Variants in SMCHD1 observed in about 807,000 individuals in gnomAD.
SMCHD1 encodes the protein structural maintenance of chromosomes flexible hinge domain containing 1, also known as structural maintenance of chromosomes flexible hinge domain-containing protein 1.
In SMCHD1, 78 loss-of-function variants were observed where a neutral mutation model predicts 254.7. The ratio of observed to expected loss-of-function variants is 0.31; its 90% CI spans 0.26 to 0.37. The LOEUF (loss-of-function observed/expected upper bound fraction) is 0.37. Ranked by LOEUF, SMCHD1 falls within the 10% of genes least tolerant of loss-of-function variation. The probability of loss-of-function intolerance (pLI) is 1.00; values close to 1 mark genes in which losing one functional copy is unlikely to be tolerated. For synonymous variants in SMCHD1, 766 were observed against 794.9 expected, an observed-to-expected ratio of 0.96 and a Z score of 0.61; for missense variants, 1,840 against 2,408.1, an observed-to-expected ratio of 0.76 and a Z score of 4.94.
chr18:2,696,400 T>C (rs606868), intron 8 of SMCHD1, among the ~76,000 whole-genome samples: 125,402 of 152,160 alleles, frequency 0.82, 55,121 homozygotes, highest in East Asian at 1. Flanking sequence ...AGATTTCTCA[T>C]AGGAGCACGA....
At chr18:2,792,386 T>C (rs1393180993) in intron 45 of SMCHD1, among the ~76,000 whole-genome samples, 1 of 152,248 alleles carries the variant, frequency 6.6e-6, no homozygotes, top group African/African-American at 2.4e-5. Flanking sequence ...TTGTAGGTTC[T>C]ACATACCATG....
chr18:2,673,327 T>C lies in SMCHD1; in HGVS notation c.471T>C (p.Ser157=), dbSNP rs756874501. 7 of 1,585,334 alleles carry C rather than the reference T, an allele frequency of 4.4e-6. No individual in the cohort carries two copies. Among genetic ancestry groups the C allele is most frequent in the Non-Finnish European group, 6.0e-6 (7 of 1,159,884 alleles). Residue 157 remains serine, a synonymous_variant, in exon 4 of 48, where the codon TCT becomes TCC. Transcript: ENST00000320876. ...ELIDNSLSAT[S]RNIGVRRIQI... ...TTGACAATTCATTGTCTGCTACTTCTCGTAACATTGGGGTTAGAAGAATAC... is the reference window on the plus strand; with the variant it reads ...TTGACAATTCATTGTCTGCTACTTCCCGTAACATTGGGGTTAGAAGAATAC...
At chr18:2,664,147 G>A (rs2073372304) in intron 1 of SMCHD1, among the ~76,000 whole-genome samples, 1 of 152,040 alleles carries the variant, frequency 6.6e-6, no homozygotes, top group African/African-American at 2.4e-5. Context: ...GATCATTTTT[G>A]TTTTTGTAAT....
intron 44 of SMCHD1, among the ~76,000 whole-genome samples, chr18:2,781,235 A>G (rs921824207): frequency 1.3e-5 from 2 of 152,240 alleles, no homozygotes; most frequent in Non-Finnish European, 2.9e-5. Flanking sequence ...GCTTCAGGGA[A>G]CTACCAGAAA....
At chr18:2,769,638 G>A (rs1568349988) in intron 37 of SMCHD1, 56 bp from the exon 38 acceptor site, 1 of 1,527,956 alleles carries the variant, frequency 6.5e-7, no homozygotes, top group Non-Finnish European at 8.9e-7. Flanking sequence ...ACATTTATAT[G>A]TTGTAAATTT....
chr18:2,721,255 C>T (rs1029140344), intron 19 of SMCHD1, among the ~76,000 whole-genome samples: 1 of 152,104 alleles, frequency 6.6e-6, no homozygotes, highest in Non-Finnish European at 1.5e-5. Flanking sequence ...CTTTGGCTTT[C>T]CAATTCTATT....
At chr18:2,724,640 A>G (rs1426385524) in intron 20 of SMCHD1, among the ~76,000 whole-genome samples, 1 of 152,112 alleles carries the variant, frequency 6.6e-6, no homozygotes, top group Non-Finnish European at 1.5e-5. Flanking sequence ...CTAATTCAAT[A>G]TGTGCTATTT....
chr18:2,755,956 G>T (rs76338014), intron 34 of SMCHD1, among the ~76,000 whole-genome samples: 1,951 of 152,196 alleles, frequency 0.013, 20 homozygotes, highest in Non-Finnish European at 0.02. Context: ...TCCTAATCTG[G>T]TTTCGAATCT....
At chr18:2,716,670 G>A (rs1385141370) in intron 17 of SMCHD1, among the ~76,000 whole-genome samples, 1 of 152,206 alleles carries the variant, frequency 6.6e-6, no homozygotes, top group Non-Finnish European at 1.5e-5. Flanking sequence ...GAGGAGCAGA[G>A]CAACCACTGC....
intron 35 of SMCHD1, among the ~76,000 whole-genome samples, chr18:2,761,637 T>C (rs1271496673): frequency 6.6e-6 from 1 of 152,104 alleles, no homozygotes; most frequent in East Asian, 1.9e-4. Flanking sequence ...GCCAATATGG[T>C]GAAACCCCTC....
chr18:2,668,710 TCC>T (rs2073508135), intron 3 of SMCHD1, among the ~76,000 whole-genome samples: 1 of 152,152 alleles, frequency 6.6e-6, no homozygotes, highest in South Asian at 2.1e-4. Flanking sequence ...CTTCTCTTCC[TCC>T]CATTGTTTCT....
At position 2,688,454 on chromosome 18, in the gene SMCHD1, C is replaced by G. The variant is rs757535163; in HGVS notation, c.699C>G (p.Ser233=). 8.7e-6 allele frequency: 14 copies of G among 1,613,752 alleles called. No homozygotes were observed. In the South Asian group the frequency reaches 1.2e-4, roughly 14 times the overall value. The change falls in exon 6 of 48, where the codon TCC becomes TCG. Residue 233 remains serine, a synonymous_variant. Coordinates refer to ENST00000320876, the MANE Select transcript of SMCHD1 (RefSeq NM_015295.3). The part of the protein sequence containing the change: ...PVPRSLNSDI[S]YFGVGGKQAV... Reference sequence around the variant, plus strand: ...CACGCAGTTTAAATAGTGATATTTCCTATTTTGGTGTTGGGGGCAAGCAAG... The same window carrying G: ...CACGCAGTTTAAATAGTGATATTTCGTATTTTGGTGTTGGGGGCAAGCAAG...
intron 44 of SMCHD1, among the ~76,000 whole-genome samples, chr18:2,782,804 G>A (rs893158243): frequency 6.9e-6 from 1 of 143,950 alleles, no homozygotes; most frequent in Non-Finnish European, 1.5e-5. Flanking sequence ...TTGACTGCCT[G>A]AATCTTGATA....
chr18:2,745,978 T>C (rs2075446912), intron 29 of SMCHD1, among the ~76,000 whole-genome samples: 1 of 152,116 alleles, frequency 6.6e-6, no homozygotes, highest in Non-Finnish European at 1.5e-5. Context: ...ATTAACATGA[T>C]GAATAGAAAA....
chr18:2,682,656 T>C (rs1048891928), intron 5 of SMCHD1, among the ~76,000 whole-genome samples: 4 of 152,210 alleles, frequency 2.6e-5, no homozygotes, highest in African/African-American at 7.2e-5. Flanking sequence ...ACACCTCTTA[T>C]GTTTTGTTTC....
At chr18:2,661,309 A>G (rs150406175) in intron 1 of SMCHD1, among the ~76,000 whole-genome samples, 1 of 151,560 alleles carries the variant, frequency 6.6e-6, no homozygotes, top group African/African-American at 2.4e-5. Flanking sequence ...ACAAACCTGC[A>G]TGTTCTGCAC....
intron 17 of SMCHD1, among the ~76,000 whole-genome samples, chr18:2,715,794 T>C (rs118007528): frequency 0.018 from 2,804 of 152,248 alleles, 43 homozygotes; most frequent in Middle Eastern, 0.1. Context: ...GAGACTGCAG[T>C]GAGCTATGAT....
intron 42 of SMCHD1, 103 bp downstream of exon 42, chr18:2,776,027 A>T: frequency 2.0e-6 from 2 of 1,017,924 alleles, no homozygotes; most frequent in South Asian, 3.3e-5. Flanking sequence ...CCTAAAACAG[A>T]GAATTGACTT....
chr18:2,763,455 C>T (rs560864520), intron 36 of SMCHD1, among the ~76,000 whole-genome samples, 182 bp from the exon 37 acceptor site: 1 of 152,266 alleles, frequency 6.6e-6, no homozygotes, highest in Admixed American at 6.5e-5. Flanking sequence ...TTTATGGTTT[C>T]TGGAACTATT....
Sources: allele counts gnomAD v4.1 joint callset (sites outside exome capture counted in the v4.1 genomes callset), GRCh38; gene constraint gnomAD v4.1.1; transcripts MANE v1.5; gene names NCBI Gene and HGNC (gene_info 2026-07-23, HGNC 2026-07-21).